Variants in TMC1 observed in about 807,000 individuals in gnomAD.
TMC1 encodes transmembrane channel-like protein 1.
In TMC1, 84 loss-of-function variants were observed where a neutral mutation model predicts 105.8. The ratio of observed to expected loss-of-function variants is 0.79; its 90% CI spans 0.67 to 0.95. TMC1 has a LOEUF of 0.95. Ranked by LOEUF, TMC1 falls within the 40% of genes least tolerant of loss-of-function variation. The pLI is 0.00. For synonymous variants in TMC1, 315 were observed against 311.5 expected, an observed-to-expected ratio of 1.01 and a Z score of -0.12; for missense variants, 817 against 914.1, an observed-to-expected ratio of 0.89 and a Z score of 1.37.
chr9:72,566,326 T>G (rs1303250944), intron 1 of TMC1, among the ~76,000 whole-genome samples: 2 of 152,210 alleles, frequency 1.3e-5, no homozygotes, highest in African/African-American at 4.8e-5. Flanking sequence ...AGGACCAGTT[T>G]CCTGGATTAC....
chr9:72,619,083 G>T (rs1825194941), intron 3 of TMC1, among the ~76,000 whole-genome samples: 1 of 152,058 alleles, frequency 6.6e-6, no homozygotes. Context: ...CATACAAAAA[G>T]TTCCTGGAAC....
chr9:72,806,363 C>T (rs1216194144), intron 18 of TMC1, among the ~76,000 whole-genome samples: 1 of 139,236 alleles, frequency 7.2e-6, no homozygotes, highest in African/African-American at 2.7e-5. Flanking sequence ...ACCCCCCCAC[C>T]TCCCTCCCGG....
intron 1 of TMC1, among the ~76,000 whole-genome samples, chr9:72,548,228 A>G (rs1282752265): frequency 1.3e-5 from 2 of 152,202 alleles, no homozygotes; most frequent in Non-Finnish European, 2.9e-5. Flanking sequence ...GTATTTATTA[A>G]AGGATAAGTA....
At chr9:72,793,378 G>C (rs1208591959) in intron 17 of TMC1, among the ~76,000 whole-genome samples, 1 of 152,292 alleles carries the variant, frequency 6.6e-6, no homozygotes, top group East Asian at 1.9e-4. Flanking sequence ...AGAGCTCCTG[G>C]GGGAAAGTGT....
chr9:72,808,283 G>T (rs1435747916), intron 18 of TMC1, among the ~76,000 whole-genome samples: 1 of 152,168 alleles, frequency 6.6e-6, no homozygotes, highest in Non-Finnish European at 1.5e-5. Flanking sequence ...ACACAAGATG[G>T]TCCTTGCATT....
rs1040178473 is a variant in TMC1 at position 72,677,508 on chromosome 9, C to T, written c.17-11201C>T. Among the ~76,000 whole-genome samples, 5 of 152,246 alleles carry T rather than the reference C, an allele frequency of 3.3e-5. No individual in the cohort carries two copies. In the South Asian group the frequency reaches 1.0e-3, roughly 32 times the overall value. ...GCACTTTGGCCCAGCCAAATAGACA[C>T]ATAAAATTCACTTCCACACTTTCTT... On this transcript the variant is annotated intron_variant, in intron 5 of 23. Coordinates refer to ENST00000297784, the MANE Select transcript of TMC1 (RefSeq NM_138691.3).
chr9:72,696,423 T>C (rs895226534), intron 7 of TMC1, among the ~76,000 whole-genome samples: 1 of 152,240 alleles, frequency 6.6e-6, no homozygotes, highest in Admixed American at 6.5e-5. Flanking sequence ...GTTGTGATTA[T>C]TGATAGTTCT....
chr9:72,798,094 C>T lies in TMC1; in HGVS notation c.1566+5742C>T, dbSNP rs146599873. Among the ~76,000 whole-genome samples, 492 of 152,138 alleles carry T rather than the reference C, an allele frequency of 3.2e-3. 3 individuals are homozygous for T. The highest frequency in any genetic ancestry group is 0.011 in the African/African-American group (446 of 41,508). ...CACTTCTCAAAAGAAGACATACATG[C>T]GGCAAACAAGCATGTGAAATAAAAC... is the stretch of plus-strand genomic sequence containing the variant. On this transcript the variant is annotated intron_variant, in intron 17 of 23. Coordinates refer to ENST00000297784, the MANE Select transcript of TMC1 (RefSeq NM_138691.3).
At chr9:72,662,538 C>G (rs971847309) in intron 5 of TMC1, among the ~76,000 whole-genome samples, 2 of 151,978 alleles carry the variant, frequency 1.3e-5, no homozygotes, top group Admixed American at 1.3e-4. Context: ...GCTGCTTATT[C>G]TGCCCTGGGA....
chr9:72,751,203 C>A (rs1199090670), intron 10 of TMC1, among the ~76,000 whole-genome samples: 1 of 152,140 alleles, frequency 6.6e-6, no homozygotes, highest in East Asian at 1.9e-4. Flanking sequence ...AATGTAAGTT[C>A]TATTATAGCA....
chr9:72,754,157 A>G (rs904589286), intron 11 of TMC1, among the ~76,000 whole-genome samples: 2 of 152,090 alleles, frequency 1.3e-5, no homozygotes, highest in African/African-American at 2.4e-5. Flanking sequence ...GCACCTTCCT[A>G]TGACCCTATT....
intron 2 of TMC1, among the ~76,000 whole-genome samples, chr9:72,599,090 G>A (rs1448719875): frequency 1.3e-5 from 2 of 152,132 alleles, no homozygotes; most frequent in Non-Finnish European, 2.9e-5. Flanking sequence ...GAGTACAGTG[G>A]TGCAATCTCA....
chr9:72,644,458 GA>G (rs1026096175), intron 4 of TMC1, among the ~76,000 whole-genome samples: 14 of 152,012 alleles, frequency 9.2e-5, no homozygotes, highest in African/African-American at 3.1e-4. Flanking sequence ...GCAGATTGAA[GA>G]TTTTTTTTTA....
intron 5 of TMC1, among the ~76,000 whole-genome samples, chr9:72,674,999 T>C (rs533766923): frequency 1.1e-4 from 16 of 152,354 alleles, no homozygotes; most frequent in Admixed American, 3.9e-4. Flanking sequence ...ACTATCTTAC[T>C]GTAAGATCCT....
At chr9:72,570,693 T>C in intron 1 of TMC1, among the ~76,000 whole-genome samples, 1 of 129,054 alleles carries the variant, frequency 7.7e-6, no homozygotes, top group Admixed American at 7.8e-5. Context: ...TTTTTTTTTT[T>C]TTTTTTTTTT....
At chr9:72,803,608 G>A (rs781345139) in intron 17 of TMC1, among the ~76,000 whole-genome samples, 14 of 152,128 alleles carry the variant, frequency 9.2e-5, no homozygotes, top group Admixed American at 1.3e-4. Flanking sequence ...AGAGATTCAC[G>A]TGGCCAACAA....
intron 19 of TMC1, among the ~76,000 whole-genome samples, chr9:72,819,017 G>A (rs540066243): frequency 2.6e-5 from 4 of 152,254 alleles, no homozygotes; most frequent in Admixed American, 6.5e-5. Context: ...TTTGAATTAC[G>A]TGCAAAATTA....
intron 4 of TMC1, among the ~76,000 whole-genome samples, chr9:72,637,054 T>G (rs1052592429): frequency 6.6e-6 from 1 of 151,916 alleles, no homozygotes; most frequent in Admixed American, 6.6e-5. Flanking sequence ...TTTTCCTTTT[T>G]TTTTTTTCAA....
chr9:72,523,800 A>G (rs1439364549), intron 1 of TMC1, among the ~76,000 whole-genome samples: 1 of 152,174 alleles, frequency 6.6e-6, no homozygotes, highest in African/African-American at 2.4e-5. Flanking sequence ...GTTCAGAGTC[A>G]ACTGTACTTG....
Sources: allele counts gnomAD v4.1 joint callset (sites outside exome capture counted in the v4.1 genomes callset), GRCh38; gene constraint gnomAD v4.1.1; transcripts MANE v1.5; gene names NCBI Gene and HGNC (gene_info 2026-07-23, HGNC 2026-07-21).